The following SYTL2 variants were observed in gnomAD, a reference collection of about 807,000 sequenced individuals.
The protein encoded by SYTL2 is synaptotagmin like 2, also known as synaptotagmin-like protein 2.
A neutral mutation model predicts 198.7 loss-of-function variants in SYTL2; 165 were observed. That is an observed-to-expected ratio of 0.83 (90% confidence interval 0.73 to 0.94). The LOEUF (loss-of-function observed/expected upper bound fraction) is 0.94, where lower values mean the gene tolerates loss of function less well. Ranked by LOEUF, SYTL2 falls within the 40% of genes least tolerant of loss-of-function variation. SYTL2 has a pLI of 0.00. For missense variants in SYTL2, 2,835 were observed against 2,582.8 expected, an observed-to-expected ratio of 1.10 and a Z score of -2.12; for synonymous variants, 966 against 917.7, an observed-to-expected ratio of 1.05 and a Z score of -0.95.
chr11:85,850,089 G>A, the SYTL2 span, among the ~76,000 whole-genome samples: 1 of 146,382 alleles, frequency 6.8e-6, no homozygotes, highest in Non-Finnish European at 1.5e-5. Context: ...CTCTCTGTTT[G>A]TCTGTTGTTG....
At chr11:85,717,629 G>A (rs2087550999) in intron 10 of SYTL2, 99 bp from the exon 11 acceptor site, 2 of 948,302 alleles carry the variant, frequency 2.1e-6, no homozygotes, top group Admixed American at 3.4e-5. Context: ...AACTGAGACA[G>A]CAGAATACAT....
chr11:85,825,387 C>CA, the SYTL2 span, among the ~76,000 whole-genome samples: 93,742 of 118,570 alleles, frequency 0.79, 36,517 homozygotes, highest in East Asian at 0.95. Flanking sequence ...GACTCCGTCT[C>CA]AAAAAAAAAA....
At chr11:85,719,416 T>C in intron 9 of SYTL2, 1 of 782,490 alleles carries the variant, frequency 1.3e-6, no homozygotes, top group African/African-American at 1.8e-5. Context: ...TTTAACCCTA[T>C]ACATTCCTGA....
At chr11:85,772,949 A>T (rs1175604945) in intron 1 of SYTL2, among the ~76,000 whole-genome samples, 1 of 152,184 alleles carries the variant, frequency 6.6e-6, no homozygotes, top group Non-Finnish European at 1.5e-5. Context: ...ATTAGCCCAA[A>T]CCATGCAGTC....
rs200927301 is a variant in SYTL2 at position 85,725,604 on chromosome 11, C to T, written c.3754G>A (p.Gly1252Arg). ...GAAGTATTGTGACTCTGTTCTATCC[C>T]TTTTCCAAAAAATCTCCCCTCTTCC... Reference protein sequence around the residue: ...KLEEGRFFGKGIEQSHNTSAD... With the variant: ...KLEEGRFFGKRIEQSHNTSAD... Residue 1252 changes from glycine to arginine, a missense_variant, in exon 8 of 20, where the codon GGG becomes AGG. Physicochemically the swap from Gly to Arg is moderately radical, Grantham distance 125 (BLOSUM62 -2). Coordinates refer to ENST00000359152, the MANE Select transcript of SYTL2 (RefSeq NM_206927.4). 26 of 1,614,106 alleles carry T rather than the reference C, an allele frequency of 1.6e-5. No individual in the cohort carries two copies. The highest frequency in any genetic ancestry group is 3.3e-5 in the Admixed American group (2 of 60,020).
At chr11:85,841,783 C>A in the SYTL2 span, among the ~76,000 whole-genome samples, 1 of 152,034 alleles carries the variant, frequency 6.6e-6, no homozygotes, top group Non-Finnish European at 1.5e-5. Context: ...ACAAGTTTAC[C>A]TATATAACAA....
chr11:85,716,413 A>C (rs1362707100), intron 11 of SYTL2: 1 of 152,172 alleles, frequency 6.6e-6, no homozygotes, highest in African/African-American at 2.4e-5. Flanking sequence ...TCATGTGCCA[A>C]AGTTCAGCAC....
At chr11:85,733,889 G>A (rs369031745) in intron 7 of SYTL2, 50 bp downstream of exon 7, 40 of 1,527,598 alleles carry the variant, frequency 2.6e-5, no homozygotes, top group East Asian at 1.8e-4. Flanking sequence ...GTGAGCCACC[G>A]CGCCCGGCCC....
chr11:85,840,170 T>C, the SYTL2 span, among the ~76,000 whole-genome samples: 1 of 152,202 alleles, frequency 6.6e-6, no homozygotes, highest in Non-Finnish European at 1.5e-5. Context: ...CTGAGGTCCT[T>C]ACATATTCTG....
chr11:85,808,200 G>C (rs2092985322), intron 1 of SYTL2, among the ~76,000 whole-genome samples: 1 of 152,060 alleles, frequency 6.6e-6, no homozygotes, highest in South Asian at 2.1e-4. Flanking sequence ...CTGAGCAGCT[G>C]GGACTACAGG....
upstream of SYTL2, among the ~76,000 whole-genome samples, chr11:85,812,773 G>A (rs1191564990): frequency 6.6e-6 from 1 of 152,124 alleles, no homozygotes; most frequent in East Asian, 1.9e-4. Flanking sequence ...AAGGAGGTAG[G>A]TGGGCAGATG....
At chr11:85,704,823 C>T in intron 16 of SYTL2, 35 bp downstream of exon 16, 1 of 1,596,036 alleles carries the variant, frequency 6.3e-7, no homozygotes, top group Non-Finnish European at 8.6e-7. Flanking sequence ...CCACATCAAC[C>T]AACCAAATAA....
chr11:85,748,820 T>C (rs1321186957), intron 2 of SYTL2, among the ~76,000 whole-genome samples: 1 of 152,176 alleles, frequency 6.6e-6, no homozygotes, highest in East Asian at 1.9e-4. Flanking sequence ...GACTTTAAAA[T>C]TGGGGTTTCT....
chr11:85,815,613 T>C (rs1338097379), upstream of SYTL2, among the ~76,000 whole-genome samples: 2 of 152,312 alleles, frequency 1.3e-5, no homozygotes, highest in East Asian at 1.9e-4. Context: ...AACCCTATGA[T>C]GTAGGAAGCG....
intron 8 of SYTL2, among the ~76,000 whole-genome samples, chr11:85,722,521 A>G (rs1195384360): frequency 4.6e-5 from 7 of 151,990 alleles, no homozygotes; most frequent in African/African-American, 1.7e-4. Context: ...TTTACTATTC[A>G]GTCAGTTATG....
At chr11:85,731,497 T>C (rs2153479648) in intron 7 of SYTL2, among the ~76,000 whole-genome samples, 1 of 152,286 alleles carries the variant, frequency 6.6e-6, no homozygotes, top group East Asian at 1.9e-4. Flanking sequence ...GATTCCCTAT[T>C]TAATAAATGG....
At chr11:85,778,444 C>G (rs1331369236) in intron 1 of SYTL2, among the ~76,000 whole-genome samples, 1 of 152,200 alleles carries the variant, frequency 6.6e-6, no homozygotes, top group Non-Finnish European at 1.5e-5. Context: ...CACAACAGTA[C>G]CCGGTACTAA....
At chr11:85,745,817 C>A in intron 3 of SYTL2, 45 bp from the exon 4 acceptor site, 2 of 1,573,242 alleles carry the variant, frequency 1.3e-6, no homozygotes, top group Non-Finnish European at 8.7e-7. Flanking sequence ...CTCTCACCTC[C>A]ATGACCTACA....
chr11:85,797,620 C>T (rs1160517074), intron 1 of SYTL2, among the ~76,000 whole-genome samples: 7 of 149,928 alleles, frequency 4.7e-5, no homozygotes, highest in African/African-American at 1.7e-4. Context: ...GAGCGAGACT[C>T]CTTCTCAAAA....
Sources: allele counts gnomAD v4.1 joint callset (sites outside exome capture counted in the v4.1 genomes callset), GRCh38; gene constraint gnomAD v4.1.1; transcripts MANE v1.5; gene names NCBI Gene and HGNC (gene_info 2026-07-23, HGNC 2026-07-21).